HRH1: variants seen among roughly 807,000 people sequenced by gnomAD.
HRH1 encodes the protein histamine receptor H1.
In HRH1, 6 loss-of-function variants were observed where a neutral mutation model predicts 10.3. The observed-to-expected ratio is 0.58, with a 90% CI of 0.32 to 1.15. HRH1 has a LOEUF of 1.15. Among genes scored for constraint, HRH1 ranks in the 50% most tolerant of loss-of-function variants. The probability of loss-of-function intolerance (pLI) is 0.05; values close to 1 mark genes in which losing one functional copy is unlikely to be tolerated. For synonymous variants in HRH1, 242 were observed against 236.7 expected (o/e 1.02, Z -0.21); for missense variants, 514 against 615.3 (o/e 0.84, Z 1.74).
At chr3:11,246,706 T>C (rs1939499352) in intron 1 of HRH1, among the ~76,000 whole-genome samples, 1 of 152,210 alleles carries the variant, frequency 6.6e-6, no homozygotes, top group South Asian at 2.1e-4. Context: ...ATCATAACTT[T>C]TCTTTCTTTA....
intron 1 of HRH1, among the ~76,000 whole-genome samples, chr3:11,210,077 T>C (rs542198699): frequency 1.1e-4 from 17 of 152,300 alleles, no homozygotes; most frequent in African/African-American, 3.9e-4. Context: ...GACTTTGTCA[T>C]TGGTTTTTAT....
intron 1 of HRH1, among the ~76,000 whole-genome samples, chr3:11,147,916 T>C (rs1397709076): frequency 6.6e-6 from 1 of 152,120 alleles, no homozygotes; most frequent in African/African-American, 2.4e-5. Context: ...GTGTGGTGGC[T>C]CACGCCTGTA....
intron 1 of HRH1, among the ~76,000 whole-genome samples, chr3:11,161,777 T>G (rs1936928120): frequency 6.6e-6 from 1 of 152,226 alleles, no homozygotes; most frequent in East Asian, 1.9e-4. Context: ...TATTGATTGA[T>G]TCTCACAGCA....
intron 1 of HRH1, among the ~76,000 whole-genome samples, chr3:11,247,718 C>T (rs1324417858): frequency 6.6e-6 from 1 of 152,110 alleles, no homozygotes; most frequent in African/African-American, 2.4e-5. Context: ...ATTTCCCCCT[C>T]TTGATTTTAT....
chr3:11,215,824 CT>C lies in HRH1; in HGVS notation c.-35-43178del. 2.0e-5 allele frequency among the ~76,000 whole-genome samples: 3 copies of C among 152,310 alleles called. No individual in the cohort carries two copies. In the South Asian group the frequency reaches 6.2e-4, roughly 32 times the overall value. On this transcript the variant is annotated intron_variant, in intron 1 of 1. Coordinates refer to ENST00000431010, the MANE Select transcript of HRH1 (RefSeq NM_001098212.2). Reference sequence around the variant, plus strand: ...GTTAAGTGAAGGTCAGTTAAGACAGCTCTTCCTACTAATACACAGTTGTCTT... The same window carrying C: ...GTTAAGTGAAGGTCAGTTAAGACAGCCTTCCTACTAATACACAGTTGTCTT...
intron 1 of HRH1, among the ~76,000 whole-genome samples, chr3:11,212,780 C>T (rs1237459996): frequency 6.6e-6 from 1 of 152,178 alleles, no homozygotes; most frequent in African/African-American, 2.4e-5. Flanking sequence ...TAGTGGCTCC[C>T]TGTTTCATCA....
intron 1 of HRH1, among the ~76,000 whole-genome samples, chr3:11,211,884 C>A (rs1187955495): frequency 6.6e-6 from 1 of 152,202 alleles, no homozygotes; most frequent in Non-Finnish European, 1.5e-5. Context: ...CTTAGACAGG[C>A]TGTATCAGAA....
intron 1 of HRH1, among the ~76,000 whole-genome samples, chr3:11,225,652 T>G (rs1304151448): frequency 1.3e-5 from 2 of 152,240 alleles, no homozygotes; most frequent in East Asian, 3.9e-4. Context: ...TGATCAGTAA[T>G]TAAGGAATTA....
intron 1 of HRH1, among the ~76,000 whole-genome samples, chr3:11,219,357 T>C (rs1252065423): frequency 6.6e-6 from 1 of 152,208 alleles, no homozygotes; most frequent in Non-Finnish European, 1.5e-5. Context: ...GTTAGTATCA[T>C]TGAACTGTGC....
At chr3:11,244,249 A>C (rs891263417) in intron 1 of HRH1, among the ~76,000 whole-genome samples, 2 of 152,224 alleles carry the variant, frequency 1.3e-5, no homozygotes, top group African/African-American at 4.8e-5. Flanking sequence ...ACACACCTTT[A>C]TTTTAAGGCT....
chr3:11,153,988 G>A (rs1936713642), upstream of HRH1, among the ~76,000 whole-genome samples: 1 of 152,026 alleles, frequency 6.6e-6, no homozygotes, highest in Non-Finnish European at 1.5e-5. Context: ...CGATTTTGGC[G>A]CCCCTAGCAG....
chr3:11,141,011 T>C (rs1157720885), intron 1 of HRH1, among the ~76,000 whole-genome samples: 1 of 152,002 alleles, frequency 6.6e-6, no homozygotes, highest in Non-Finnish European at 1.5e-5. Context: ...GCCTTTGGAG[T>C]GTACCCTCTG....
intron 1 of HRH1, among the ~76,000 whole-genome samples, chr3:11,189,023 G>T (rs1387043046): frequency 6.6e-6 from 1 of 152,204 alleles, no homozygotes; most frequent in African/African-American, 2.4e-5. Context: ...CTTTGCTACA[G>T]CGTGTGCAGG....
chr3:11,215,578 CCACAGGCGCCTGCCACTA>C (rs1424091437), intron 1 of HRH1, among the ~76,000 whole-genome samples: 2 of 152,178 alleles, frequency 1.3e-5, no homozygotes, highest in Non-Finnish European at 2.9e-5. Context: ...GTAGCTGGGA[CCACAGGCGCCTGCCACTA>C]CACCTGGCTA....
chr3:11,230,722 C>T (rs763229860), intron 1 of HRH1, among the ~76,000 whole-genome samples: 1 of 152,186 alleles, frequency 6.6e-6, no homozygotes, highest in African/African-American at 2.4e-5. Flanking sequence ...CCTGGCTGCA[C>T]ACTGGATCAC....
At chr3:11,180,948 TACACACACACAC>T (rs71055851) in intron 1 of HRH1, among the ~76,000 whole-genome samples, 12,331 of 121,062 alleles carry the variant, frequency 0.1, 591 homozygotes, top group African/African-American at 0.12. Context: ...CTCTCAGGCA[TACACACACACAC>T]ACACACACAC....
intron 1 of HRH1, among the ~76,000 whole-genome samples, chr3:11,201,971 G>A (rs954272931): frequency 1.3e-5 from 2 of 152,196 alleles, no homozygotes; most frequent in Admixed American, 6.5e-5. Context: ...CCCCCTCACC[G>A]GGGCAGGCAC....
chr3:11,250,208 A>ATTTTTTTTTTTTTTTTTTT (rs71055857), intron 1 of HRH1, among the ~76,000 whole-genome samples: 2 of 106,910 alleles, frequency 1.9e-5, no homozygotes, highest in Non-Finnish European at 1.8e-5. Flanking sequence ...CACCCGGCTA[A>ATTTTTTTTTTTTTTTTTTT]TTTTTTTTTT....
intron 1 of HRH1, among the ~76,000 whole-genome samples, chr3:11,199,344 G>A (rs1452042260): frequency 2.6e-5 from 4 of 152,158 alleles, no homozygotes; most frequent in African/African-American, 9.7e-5. Context: ...GAAGCACACT[G>A]CCAGTCCCGG....
Sources: gnomAD v4.1 joint callset for allele counts (sites outside exome capture counted in the v4.1 genomes callset) on GRCh38, gnomAD v4.1.1 for gene constraint, MANE v1.5 for transcripts, NCBI Gene and HGNC (gene_info 2026-07-23, HGNC 2026-07-21) for gene names.